The following PTPRE variants were observed in gnomAD, a reference collection of about 807,000 sequenced individuals.
The protein encoded by PTPRE is receptor-type tyrosine-protein phosphatase epsilon.
In PTPRE, 51 loss-of-function variants were observed where a neutral mutation model predicts 102.0. The observed-to-expected ratio is 0.50, with a 90% CI of 0.40 to 0.63. The LOEUF (loss-of-function observed/expected upper bound fraction) is 0.63, where lower values mean the gene tolerates loss of function less well. Ranked by LOEUF, PTPRE falls within the 30% of genes least tolerant of loss-of-function variation. The pLI is 0.00. For missense variants in PTPRE, 752 were observed against 915.1 expected, an observed-to-expected ratio of 0.82 and a Z score of 2.30; for synonymous variants, 345 against 348.2, an observed-to-expected ratio of 0.99 and a Z score of 0.10.
At chr10:127,964,562 AT>A (rs11317491) in intron 1 of PTPRE, among the ~76,000 whole-genome samples, 36,709 of 144,784 alleles carry the variant, frequency 0.25, 4,413 homozygotes, top group South Asian at 0.37. Context: ...TCTTAGTTCC[AT>A]TTTTTTTTTT....
At chr10:128,019,042 A>G (rs570197750) in intron 2 of PTPRE, among the ~76,000 whole-genome samples, 1 of 152,356 alleles carries the variant, frequency 6.6e-6, no homozygotes, top group African/African-American at 2.4e-5. Context: ...CATTGAAATC[A>G]AGGACTCTAA....
chr10:128,079,513 C>T (rs368467276), intron 19 of PTPRE, 47 bp from the exon 20 acceptor site: 1 of 1,593,936 alleles, frequency 6.3e-7, no homozygotes, highest in African/African-American at 1.3e-5. Flanking sequence ...ATTTCTCATC[C>T]CCAAGTGCAA....
At chr10:127,973,046 T>C (rs1042417866) in intron 1 of PTPRE, among the ~76,000 whole-genome samples, 3 of 152,246 alleles carry the variant, frequency 2.0e-5, no homozygotes, top group African/African-American at 7.2e-5. Flanking sequence ...CCTTTCTAGG[T>C]AGACAAAACA....
chr10:128,078,152 C>T (rs1405444798), intron 19 of PTPRE, among the ~76,000 whole-genome samples: 1 of 151,940 alleles, frequency 6.6e-6, no homozygotes, highest in Non-Finnish European at 1.5e-5. Context: ...GAGAGACTGC[C>T]TTACTGGGCT....
chr10:127,978,121 A>C (rs1471711307), intron 1 of PTPRE, among the ~76,000 whole-genome samples: 1 of 152,246 alleles, frequency 6.6e-6, no homozygotes, highest in Admixed American at 6.5e-5. Context: ...GGAATAATCC[A>C]GTATCATTAT....
At chr10:127,926,958 T>G (rs577937015) in intron 1 of PTPRE, among the ~76,000 whole-genome samples, 27 of 151,638 alleles carry the variant, frequency 1.8e-4, no homozygotes, top group African/African-American at 5.6e-4. Flanking sequence ...ATTACAGGTG[T>G]GCACCACCAC....
chr10:128,070,906 G>C lies in PTPRE; in HGVS notation c.1387+5G>C. 3.1e-6 allele frequency: 5 copies of C among 1,612,576 alleles called. No homozygotes were observed. Among genetic ancestry groups the C allele is most frequent in the Non-Finnish European group, 4.2e-6 (5 of 1,178,586 alleles). ...GGGTCATCCAGATCATCCCGTGTAA[G>C]GCACCCGTGGCGTGGCTTGGGCAGG... On this transcript the variant is annotated splice_donor_5th_base_variant and intron_variant, in intron 15 of 20. Transcript: ENST00000254667. The surrounding 1 kb of genome is among the most constrained non-coding windows in gnomAD (Gnocchi z 4.8).
Position 127,987,776 on chromosome 10 carries a change from C to G in PTPRE, c.-8+5480C>G, listed in dbSNP as rs181264918. On this transcript the variant is annotated intron_variant, in intron 2 of 20. Transcript: ENST00000254667. ...GCTCGATGACATGGGAAAATCCCACCCATTGTAAATTAGACATTTTGTATC... is the reference window on the plus strand; with the variant it reads ...GCTCGATGACATGGGAAAATCCCACGCATTGTAAATTAGACATTTTGTATC... 7.9e-5 allele frequency among the ~76,000 whole-genome samples: 12 copies of G among 152,312 alleles called. No individual in the cohort carries two copies. The East Asian group carries it at 2.3e-3, about 29-fold the overall frequency.
intron 7 of PTPRE, among the ~76,000 whole-genome samples, chr10:128,060,209 C>CCA (rs562143620): frequency 1.1e-3 from 172 of 150,162 alleles, no homozygotes; most frequent in Non-Finnish European, 1.5e-3. Flanking sequence ...ACCATACACA[C>CCA]CACACACACA....
rs114067378 is a variant in PTPRE at position 128,077,359 on chromosome 10, A to G, written c.1726-258A>G. ...GCCAAGGATCCCGTAGGGGTTGGGCAGTCCTCACAGGGATCCAGGGGATGT... is the reference window on the plus strand; with the variant it reads ...GCCAAGGATCCCGTAGGGGTTGGGCGGTCCTCACAGGGATCCAGGGGATGT... On this transcript the variant is annotated intron_variant, in intron 18 of 20. Transcript: ENST00000254667. Among the ~76,000 whole-genome samples, 1,027 of 152,344 alleles carry G rather than the reference A, an allele frequency of 6.7e-3. 11 individuals are homozygous for G. The highest frequency in any genetic ancestry group is 0.023 in the African/African-American group (964 of 41,586).
intron 2 of PTPRE, among the ~76,000 whole-genome samples, chr10:128,000,336 G>T (rs529988037): frequency 6.6e-6 from 1 of 152,062 alleles, no homozygotes; most frequent in Non-Finnish European, 1.5e-5. Context: ...TTTTGGACCC[G>T]CACCCTTCAA....
intron 6 of PTPRE, 74 bp downstream of exon 6, chr10:128,049,740 T>C (rs1414009434): frequency 1.3e-6 from 2 of 1,593,726 alleles, no homozygotes; most frequent in East Asian, 4.5e-5. Flanking sequence ...GAGTTCAGGA[T>C]GAATTATCCC....
intron 1 of PTPRE, among the ~76,000 whole-genome samples, chr10:127,941,115 G>T (rs1848214969): frequency 6.6e-6 from 1 of 152,252 alleles, no homozygotes; most frequent in Non-Finnish European, 1.5e-5. Context: ...GGATGGAGAA[G>T]AGCAGTGGAG....
intron 16 of PTPRE, among the ~76,000 whole-genome samples, chr10:128,072,897 C>T (rs1037388960): frequency 3.9e-5 from 6 of 152,160 alleles, no homozygotes; most frequent in Non-Finnish European, 8.8e-5. Context: ...AGGCTGTCTT[C>T]ATGCACAGTG....
At chr10:127,941,254 C>T (rs1848223624) in intron 1 of PTPRE, among the ~76,000 whole-genome samples, 1 of 152,258 alleles carries the variant, frequency 6.6e-6, no homozygotes, top group East Asian at 1.9e-4. Context: ...TTCCCCTCTG[C>T]CTACTCCTTC....
intron 1 of PTPRE, among the ~76,000 whole-genome samples, chr10:127,937,000 T>C (rs1282038508): frequency 6.6e-6 from 1 of 152,200 alleles, no homozygotes; most frequent in Non-Finnish European, 1.5e-5. Flanking sequence ...TGTTGAGATC[T>C]GAGACTCTAC....
rs780448657 is a variant in PTPRE, at chr10:128,056,133, C to G, written c.431C>G (p.Ser144Cys). ...QFREEFNSLP[S>C]GHIQGTFELA... ...TACATTTTCTTCCAGTCATTGCCAT[C>G]TGGACACATACAAGGAACTTTTGAA... The change falls in exon 7 of 21, where the codon TCT (serine) becomes TGT (cysteine). Residue 144 changes from serine to cysteine, a missense_variant. Around this residue, in one of 2 missense-constraint regions of PTPRE, gnomAD observed 636 missense variants for 824.4 expected, o/e 0.77. Coordinates refer to ENST00000254667, the MANE Select transcript of PTPRE (RefSeq NM_006504.6). 45 of 1,610,914 alleles carry G rather than the reference C, an allele frequency of 2.8e-5. No individual in the cohort carries two copies. In the South Asian group the frequency reaches 4.9e-4, roughly 18 times the overall value.
intron 2 of PTPRE, among the ~76,000 whole-genome samples, chr10:128,040,040 G>T (rs1267363074): frequency 6.6e-6 from 1 of 152,162 alleles, no homozygotes; most frequent in Non-Finnish European, 1.5e-5. Context: ...TTTACAATCT[G>T]GGTCTGCCCC....
chr10:128,072,314 T>C (rs1850841679), intron 16 of PTPRE, 100 bp downstream of exon 16: 1 of 1,130,564 alleles, frequency 8.8e-7, no homozygotes, highest in African/African-American at 1.6e-5. Context: ...AGAATTGACA[T>C]GTTTCCAGAA....
Sources: allele counts gnomAD v4.1 joint callset (sites outside exome capture counted in the v4.1 genomes callset), GRCh38; gene constraint gnomAD v4.1.1; regional missense constraint gnomAD v4.1.1; non-coding constraint Gnocchi (gnomAD v3.1); transcripts MANE v1.5; gene names NCBI Gene and HGNC (gene_info 2026-07-23, HGNC 2026-07-21).